Variants in RFC3 observed in about 807,000 individuals in gnomAD.
RFC3 encodes replication factor C subunit 3, also known as A1 38 kDa subunit.
Under a neutral mutation model 45.1 loss-of-function variants are expected in RFC3, and 41 were observed. The ratio of observed to expected loss-of-function variants is 0.91; its 90% CI spans 0.71 to 1.18. The LOEUF (loss-of-function observed/expected upper bound fraction) is 1.18, where lower values mean the gene tolerates loss of function less well. RFC3 is among the 50% of genes most tolerant of loss of function. The probability of loss-of-function intolerance (pLI) is 0.00; values close to 1 mark genes in which losing one functional copy is unlikely to be tolerated. For synonymous variants in RFC3, 149 were observed against 144.0 expected (o/e 1.03, Z -0.25); for missense variants, 423 against 428.1 (o/e 0.99, Z 0.10).
At chr13:33,881,133 C>A (rs1465568753) in intron 8 of RFC3, among the ~76,000 whole-genome samples, 3 of 152,026 alleles carry the variant, frequency 2.0e-5, no homozygotes, top group Non-Finnish European at 4.4e-5. Flanking sequence ...ATATATGACA[C>A]TTAAGATAAC....
At position 33,946,528 on chromosome 13, in the gene RFC3, C is replaced by T. The variant is rs61007665; in HGVS notation, c.880-19559C>T. 4.8e-3 allele frequency among the ~76,000 whole-genome samples: 725 copies of T among 152,120 alleles called. 9 individuals are homozygous for T. The highest frequency in any genetic ancestry group is 0.017 in the African/African-American group (689 of 41,508). ...TTTCATTTAAATACAAAATAGTAAA[C>T]CCTTTACATGTTAACGTAAATAAAA... On this transcript the variant is annotated intron_variant, in intron 8 of 8. Coordinates refer to the RFC3 transcript ENST00000434425.
In RFC3 at chr13:33,853,428, A is replaced by G. The variant is rs141791361; in HGVS notation, c.879+18211A>G. On this transcript the variant is annotated intron_variant, in intron 8 of 8. Coordinates refer to the RFC3 transcript ENST00000434425. ...AAATGACATTATTAGAAACCCAAACACAAGGATATCAAAGTGTTCTGTGCC... is the reference window on the plus strand; with the variant it reads ...AAATGACATTATTAGAAACCCAAACGCAAGGATATCAAAGTGTTCTGTGCC... Among the ~76,000 whole-genome samples the G allele has an allele frequency of 1.1e-3, 167 of 152,310 alleles. 1 individual carries two copies. Among genetic ancestry groups the G allele is most frequent in the African/African-American group, 3.1e-3 (128 of 41,574 alleles).
At chr13:33,856,049 T>A (rs1273933613) in intron 8 of RFC3, among the ~76,000 whole-genome samples, 1 of 152,242 alleles carries the variant, frequency 6.6e-6, no homozygotes. Context: ...TGCCCATTCC[T>A]ATGTCCAGAA....
At chr13:33,834,298 G>GTATATATATATATATATA (rs58858615) in intron 7 of RFC3, among the ~76,000 whole-genome samples, 57 of 109,178 alleles carry the variant, frequency 5.2e-4, no homozygotes, top group African/African-American at 2.2e-3. Context: ...TGTACTGTGT[G>GTATATATATATATATATA]TATATATATA....
intron 8 of RFC3, among the ~76,000 whole-genome samples, chr13:33,956,701 G>A (rs2083024103): frequency 6.6e-6 from 1 of 152,196 alleles, no homozygotes; most frequent in African/African-American, 2.4e-5. Context: ...GTGAAGCTGG[G>A]TAAAGCACTA....
the RFC3 span, among the ~76,000 whole-genome samples, chr13:33,972,415 C>T: frequency 6.6e-6 from 1 of 152,168 alleles, no homozygotes; most frequent in African/African-American, 2.4e-5. Flanking sequence ...ACAGACAACT[C>T]CACTTCTCCT....
At position 33,822,450 on chromosome 13, in the gene RFC3, A is replaced by T. The variant is rs568596970; in HGVS notation, c.225+1181A>T. Reference sequence around the variant, plus strand: ...TACATTTCTGAGACTAGCTAAAGTAATTATGAAAAAAGATTAGTGAAGTAG... The same window carrying T: ...TACATTTCTGAGACTAGCTAAAGTATTTATGAAAAAAGATTAGTGAAGTAG... On this transcript the variant is annotated intron_variant, in intron 2 of 8. Coordinates refer to ENST00000380071, the MANE Select transcript of RFC3 (RefSeq NM_002915.4). Among the ~76,000 whole-genome samples the T allele has an allele frequency of 5.9e-5, 9 of 152,350 alleles. No individual in the cohort carries two copies. The South Asian group carries it at 1.9e-3, about 32-fold the overall frequency.
At chr13:33,972,560 A>G in the RFC3 span, among the ~76,000 whole-genome samples, 1 of 152,282 alleles carries the variant, frequency 6.6e-6, no homozygotes, top group South Asian at 2.1e-4. Context: ...TTTCATTTCT[A>G]CTTGGGTCTA....
chr13:33,915,782 TTATATTTC>T (rs1181812528), intron 8 of RFC3, among the ~76,000 whole-genome samples: 5 of 149,874 alleles, frequency 3.3e-5, no homozygotes, highest in Non-Finnish European at 2.9e-5. Flanking sequence ...GAGGCAATAA[TTATATTTC>T]TATATTTCTA....
At chr13:33,840,118 T>C (rs1467540155), downstream of RFC3, among the ~76,000 whole-genome samples, 1 of 152,226 alleles carries the variant, frequency 6.6e-6, no homozygotes, top group Non-Finnish European at 1.5e-5. Context: ...TGCTTTACAC[T>C]ACTTTGGGTT....
At chr13:33,925,634 A>G (rs2082806160) in intron 8 of RFC3, among the ~76,000 whole-genome samples, 1 of 150,326 alleles carries the variant, frequency 6.7e-6, no homozygotes, top group Non-Finnish European at 1.5e-5. Context: ...ATACATATAT[A>G]TGTATATGTA....
chr13:33,904,757 G>A (rs954557602), intron 8 of RFC3, among the ~76,000 whole-genome samples: 2 of 151,878 alleles, frequency 1.3e-5, no homozygotes, highest in South Asian at 2.1e-4. Context: ...ACATGCCCAC[G>A]TCTCCCAGGT....
chr13:33,855,752 C>T (rs190811770), intron 8 of RFC3, among the ~76,000 whole-genome samples: 253 of 152,076 alleles, frequency 1.7e-3, no homozygotes, highest in African/African-American at 5.8e-3. Context: ...TTTTCATATG[C>T]TTGTTGGCTG....
intron 8 of RFC3, among the ~76,000 whole-genome samples, chr13:33,904,761 C>G (rs529638361): frequency 6.6e-6 from 1 of 152,186 alleles, no homozygotes; most frequent in African/African-American, 2.4e-5. Flanking sequence ...GCCCACGTCT[C>G]CCAGGTGACT....
intron 8 of RFC3, among the ~76,000 whole-genome samples, chr13:33,866,248 G>GT (rs550428444): frequency 1.3e-5 from 2 of 152,168 alleles, no homozygotes; most frequent in African/African-American, 4.8e-5. Flanking sequence ...TGGTCCAGGG[G>GT]TTTTTTCTGT....
chr13:33,961,197 A>C (rs554518200), intron 8 of RFC3, among the ~76,000 whole-genome samples: 1 of 151,714 alleles, frequency 6.6e-6, no homozygotes, highest in African/African-American at 2.4e-5. Context: ...GGTCTCAAAG[A>C]CCCCTGCTTG....
At chr13:33,892,806 C>T (rs1054846185) in intron 8 of RFC3, among the ~76,000 whole-genome samples, 1 of 152,168 alleles carries the variant, frequency 6.6e-6, no homozygotes, top group Non-Finnish European at 1.5e-5. Context: ...AAAAAGGAGA[C>T]AGTCCCTGGG....
At chr13:33,931,010 T>C (rs2082848529) in intron 8 of RFC3, among the ~76,000 whole-genome samples, 1 of 152,084 alleles carries the variant, frequency 6.6e-6, no homozygotes, top group Non-Finnish European at 1.5e-5. Flanking sequence ...CAGCTTATGA[T>C]TGGGGCAAAT....
intron 3 of RFC3, 97 bp downstream of exon 3, chr13:33,824,081 A>G: frequency 3.4e-6 from 2 of 594,646 alleles, no homozygotes; most frequent in Non-Finnish European, 5.8e-6. Flanking sequence ...AAATAAATTG[A>G]TACGTGTGGA....
Sources: allele counts gnomAD v4.1 joint callset (sites outside exome capture counted in the v4.1 genomes callset), GRCh38; gene constraint gnomAD v4.1.1; transcripts MANE v1.5; gene names NCBI Gene and HGNC (gene_info 2026-07-23, HGNC 2026-07-21).